The following LYPD1 variants were observed in gnomAD, a reference collection of about 807,000 sequenced individuals.
LYPD1 encodes the protein LY6/PLAUR domain containing 1.
In LYPD1, 14 loss-of-function variants were observed where a neutral mutation model predicts 14.2. That is an observed-to-expected ratio of 0.99 (90% CI 0.65 to 1.54). LYPD1 has a LOEUF of 1.54. Ranked by LOEUF, LYPD1 falls within the 40% of genes most tolerant of loss-of-function variation. The probability of loss-of-function intolerance (pLI) is 0.00; values close to 1 mark genes in which losing one functional copy is unlikely to be tolerated. For synonymous variants in LYPD1, 85 were observed against 70.6 expected (o/e 1.20, Z -1.02); for missense variants, 165 against 175.7 (o/e 0.94, Z 0.34).
intron 2 of LYPD1, among the ~76,000 whole-genome samples, chr2:132,661,827 T>C (rs534042401): frequency 5.3e-5 from 8 of 151,680 alleles, no homozygotes; most frequent in Admixed American, 2.6e-4. Context: ...CACTTCTCTA[T>C]GAATAAACGA....
chr2:132,649,114 A>G (rs764109466), intron 2 of LYPD1, among the ~76,000 whole-genome samples: 3 of 152,216 alleles, frequency 2.0e-5, no homozygotes, highest in African/African-American at 7.2e-5. Context: ...TGGAGGAGCT[A>G]GCTTTGGAGA....
In LYPD1 at chr2:132,645,420, G is replaced by T. The variant is rs769121231; in HGVS notation, c.*625C>A. 5.6e-6 allele frequency: 9 copies of T among 1,613,374 alleles called. No homozygotes were observed. In the African/African-American group the frequency reaches 9.3e-5, roughly 17 times the overall value. On this transcript the variant is annotated 3_prime_UTR_variant, in exon 3 of 3. Coordinates refer to ENST00000397463, the MANE Select transcript of LYPD1 (RefSeq NM_144586.7). ...GCGCCCGCTTTGTGCAGCGCCCGTTGCTCTTCGCGTCCCGGCGCCAGTCCT... is the reference window on the plus strand; with the variant it reads ...GCGCCCGCTTTGTGCAGCGCCCGTTTCTCTTCGCGTCCCGGCGCCAGTCCT...
chr2:132,661,105 G>T (rs531853441), intron 2 of LYPD1, among the ~76,000 whole-genome samples: 4 of 152,274 alleles, frequency 2.6e-5, no homozygotes, highest in South Asian at 2.1e-4. Context: ...AGCCTTAGAG[G>T]TGTGGGATTC....
intron 2 of LYPD1, among the ~76,000 whole-genome samples, chr2:132,655,690 G>GT (rs1389049722): frequency 2.0e-5 from 3 of 151,400 alleles, no homozygotes; most frequent in Non-Finnish European, 4.4e-5. Flanking sequence ...AATTTTTTGT[G>GT]TTTTTAGTAG....
intron 2 of LYPD1, among the ~76,000 whole-genome samples, chr2:132,652,929 G>C (rs1476181036): frequency 1.3e-5 from 2 of 152,156 alleles, no homozygotes; most frequent in African/African-American, 4.8e-5. Flanking sequence ...TGAAGGAAAG[G>C]ATAAACAAAA....
At chr2:132,662,152 G>A (rs1303148236) in intron 2 of LYPD1, among the ~76,000 whole-genome samples, 1 of 152,198 alleles carries the variant, frequency 6.6e-6, no homozygotes, top group African/African-American at 2.4e-5. Flanking sequence ...TATAGAAACA[G>A]TGTACAAACT....
At chr2:132,660,789 G>A (rs1682883171) in intron 2 of LYPD1, among the ~76,000 whole-genome samples, 1 of 152,210 alleles carries the variant, frequency 6.6e-6, no homozygotes, top group Admixed American at 6.5e-5. Flanking sequence ...GGTTAAATGA[G>A]TAAGGAGTTC....
At chr2:132,648,402 G>C (rs1255447414) in intron 2 of LYPD1, among the ~76,000 whole-genome samples, 1 of 152,230 alleles carries the variant, frequency 6.6e-6, no homozygotes, top group Non-Finnish European at 1.5e-5. Context: ...TCATCAGTGT[G>C]GCATGCCTTC....
In LYPD1 at chr2:132,669,106, C is replaced by T. The variant is rs1276143898; in HGVS notation, c.53-569G>A. On this transcript the variant is annotated intron_variant, in intron 1 of 2. Coordinates refer to ENST00000397463, the MANE Select transcript of LYPD1 (RefSeq NM_144586.7). The surrounding 1 kb of genome is among the most constrained non-coding windows in gnomAD (Gnocchi z 4.3). The stretch of plus-strand genomic sequence containing the variant: ...GCCAAGCGCTGCTGCGCCGCAAGTC[C>T]CCGAGCCCGGGTCGGCGGCCCTTCT... 6.6e-6 allele frequency among the ~76,000 whole-genome samples: 1 copy of T among 152,144 alleles called. No individual in the cohort carries two copies. The highest frequency in any genetic ancestry group is 1.5e-5 in the Non-Finnish European group (1 of 68,018).
At chr2:132,670,289 G>T (rs1683613202), upstream of LYPD1, 2 of 297,280 alleles carry the variant, frequency 6.7e-6, no homozygotes, top group Non-Finnish European at 6.1e-6. This position sits in a 1 kb window ranked among gnomAD's most constrained non-coding sequence, Gnocchi z 4.5. Context: ...CGGCTGCCGA[G>T]TTGGGGTGGG....
chr2:132,659,949 C>G (rs182755197), intron 2 of LYPD1, among the ~76,000 whole-genome samples: 1 of 152,352 alleles, frequency 6.6e-6, no homozygotes, highest in Admixed American at 6.5e-5. Context: ...CTTAATACAC[C>G]TGCTTCTGCT....
chr2:132,647,772 C>T (rs904222224), intron 2 of LYPD1, among the ~76,000 whole-genome samples: 13 of 152,102 alleles, frequency 8.5e-5, no homozygotes, highest in African/African-American at 3.1e-4. Flanking sequence ...CACCAGCAGC[C>T]GGGGCTCCTT....
intron 2 of LYPD1, among the ~76,000 whole-genome samples, chr2:132,660,884 G>A (rs938948388): frequency 6.6e-6 from 1 of 152,152 alleles, no homozygotes; most frequent in Non-Finnish European, 1.5e-5. Context: ...CATTGTAGAC[G>A]ACCAAATCAT....
Position 132,645,972 on chromosome 2 carries a change from CACTCAGGGA to C in LYPD1, c.*64_*72del, listed in dbSNP as rs974785560. 94 of 1,159,632 alleles carry C rather than the reference CACTCAGGGA, an allele frequency of 8.1e-5. No individual in the cohort carries two copies. The African/African-American group carries it at 1.4e-3, about 17-fold the overall frequency. The allele number at this position is 1,159,632 out of a possible 1,614,324, so 71.8% of individuals were successfully genotyped here. Reference sequence around the variant, plus strand: ...AATAAAAGGACACCCAGAAGAAACTCACTCAGGGAGGTGGGGGGTTGGGGGCGAGGGCTG... The same window carrying C: ...AATAAAAGGACACCCAGAAGAAACTCGGTGGGGGGTTGGGGGCGAGGGCTG... On this transcript the variant is annotated 3_prime_UTR_variant, in exon 3 of 3. Coordinates refer to ENST00000397463, the MANE Select transcript of LYPD1 (RefSeq NM_144586.7).
At position 132,646,026 on chromosome 2, in the gene LYPD1, G is replaced by T; in HGVS notation, c.*19C>A. On this transcript the variant is annotated 3_prime_UTR_variant, in exon 3 of 3. Transcript: ENST00000397463. ...GGGCTGGAAGAACAATGCAGGAGGG[G>T]GTGGCATCTCCTTCAGCTTCAGCAG... 1 of 1,507,820 alleles carries T rather than the reference G, an allele frequency of 6.6e-7. No individual in the cohort carries two copies. The highest frequency in any genetic ancestry group is 8.9e-7 in the Non-Finnish European group (1 of 1,118,928). 93.4% of individuals were successfully genotyped at this position (1,507,820 alleles called of 1,614,324 possible).
chr2:132,646,938 G>GACAC (rs138869915), intron 2 of LYPD1, among the ~76,000 whole-genome samples: 1 of 152,248 alleles, frequency 6.6e-6, no homozygotes, highest in African/African-American at 2.4e-5. Flanking sequence ...AGCACTCAAT[G>GACAC]ACACACACTG....
At chr2:132,663,490 G>C (rs372632474) in intron 2 of LYPD1, among the ~76,000 whole-genome samples, 8 of 152,228 alleles carry the variant, frequency 5.3e-5, no homozygotes, top group African/African-American at 1.9e-4. Context: ...GGCCAGGATG[G>C]TCTCAAACTC....
rs1187627695 is a variant in LYPD1, at chr2:132,669,693, TC to T, written c.52+187del. Among the ~76,000 whole-genome samples the T allele has an allele frequency of 1.3e-5, 2 of 151,876 alleles. No homozygotes were observed. Among genetic ancestry groups the T allele is most frequent in the African/African-American group, 4.8e-5 (2 of 41,352 alleles). ...GCAAACCCGCCGCTCCCCGCTCTCC[TC>T]CTGCAGCGCGGGACTTGGACACTTT... On this transcript the variant is annotated intron_variant, in intron 1 of 2. Coordinates refer to ENST00000397463, the MANE Select transcript of LYPD1 (RefSeq NM_144586.7). This position sits in a 1 kb window ranked among gnomAD's most constrained non-coding sequence, Gnocchi z 4.3.
intron 2 of LYPD1, among the ~76,000 whole-genome samples, chr2:132,667,640 C>G (rs977894216): frequency 6.6e-6 from 1 of 152,262 alleles, no homozygotes; most frequent in South Asian, 2.1e-4. Context: ...ACTGAAGTAA[C>G]AGCTCTACCT....
Sources: gnomAD v4.1 joint callset for allele counts (sites outside exome capture counted in the v4.1 genomes callset) on GRCh38, gnomAD v4.1.1 for gene constraint, Gnocchi (gnomAD v3.1) non-coding constraint, MANE v1.5 for transcripts, NCBI Gene and HGNC (gene_info 2026-07-23, HGNC 2026-07-21) for gene names.